TLE1: variants seen among roughly 807,000 people sequenced by gnomAD.
The protein encoded by TLE1 is TLE family member 1, transcriptional corepressor, also known as transducin-like enhancer protein 1.
In TLE1, 21 loss-of-function variants were observed where a neutral mutation model predicts 89.8. The observed-to-expected ratio is 0.23, with a 90% confidence interval of 0.17 to 0.34. The LOEUF is 0.34. Among genes scored for constraint, TLE1 ranks in the 10% least tolerant of loss-of-function variants. TLE1 has a pLI of 1.00. For synonymous variants in TLE1, 447 were observed against 407.6 expected (o/e 1.10, Z -1.16); for missense variants, 795 against 1,031.2 (o/e 0.77, Z 3.14).
chr9:81,599,209 G>A (rs1830599025), intron 14 of TLE1, among the ~76,000 whole-genome samples: 1 of 152,174 alleles, frequency 6.6e-6, no homozygotes, highest in Non-Finnish European at 1.5e-5. Flanking sequence ...GTTTAGAGAT[G>A]AGGGAAGGTG....
chr9:81,624,860 A>G (rs1483410862), intron 8 of TLE1, among the ~76,000 whole-genome samples: 2 of 152,194 alleles, frequency 1.3e-5, no homozygotes, highest in Non-Finnish European at 2.9e-5. Context: ...CCCACGGAGG[A>G]CATTACAAAC....
intron 16 of TLE1, 80 bp from the exon 17 acceptor site, chr9:81,587,908 G>GTC: frequency 1.7e-6 from 1 of 601,576 alleles, no homozygotes; most frequent in Non-Finnish European, 2.4e-6. Flanking sequence ...GTTTTGGACC[G>GTC]TGTGTGTGTG....
At chr9:81,637,912 G>A (rs1827611715) in intron 6 of TLE1, among the ~76,000 whole-genome samples, 1 of 152,148 alleles carries the variant, frequency 6.6e-6, no homozygotes, top group Non-Finnish European at 1.5e-5. Context: ...TCAAAGCCAA[G>A]AGGCTTGCTA....
chr9:81,668,984 C>T (rs1831860567), intron 4 of TLE1, among the ~76,000 whole-genome samples: 1 of 152,090 alleles, frequency 6.6e-6, no homozygotes, highest in Non-Finnish European at 1.5e-5. Context: ...ATGTGGGTTC[C>T]AGGACATGTC....
intron 8 of TLE1, among the ~76,000 whole-genome samples, chr9:81,622,624 C>A (rs555093217): frequency 1.3e-5 from 2 of 152,350 alleles, no homozygotes; most frequent in Admixed American, 6.5e-5. Context: ...ACTGTAATTT[C>A]CGCTTGAGCG....
intron 4 of TLE1, among the ~76,000 whole-genome samples, chr9:81,678,927 G>A (rs771685950): frequency 1.5e-4 from 23 of 152,080 alleles, no homozygotes; most frequent in Non-Finnish European, 2.8e-4. Context: ...GATCACCTGA[G>A]GCTAGGAGTT....
chr9:81,652,891 G>A (rs986575073), intron 5 of TLE1, among the ~76,000 whole-genome samples: 9 of 151,990 alleles, frequency 5.9e-5, no homozygotes, highest in African/African-American at 1.2e-4. Context: ...AGTCATTTTC[G>A]GAAACTCCTG....
intron 16 of TLE1, 33 bp from the exon 17 acceptor site, chr9:81,587,861 C>T (rs1828748767): frequency 6.6e-7 from 1 of 1,506,158 alleles, no homozygotes; most frequent in South Asian, 1.1e-5. Flanking sequence ...ATAATGATTT[C>T]CTGCCAGAGC....
chr9:81,663,376 C>G (rs1411272157), intron 4 of TLE1, among the ~76,000 whole-genome samples: 2 of 152,042 alleles, frequency 1.3e-5, no homozygotes, highest in Non-Finnish European at 2.9e-5. Context: ...CTGTCTAGTT[C>G]TTTCTCCAGA....
At chr9:81,675,876 TTTTCAGCAGAGACGGGG>T (rs1183190913) in intron 4 of TLE1, among the ~76,000 whole-genome samples, 1 of 151,910 alleles carries the variant, frequency 6.6e-6, no homozygotes, top group African/African-American at 2.4e-5. Flanking sequence ...AATTTTCGTA[TTTTCAGCAGAGACGGGG>T]TTTCACCATG....
chr9:81,615,886 G>T (rs1012896727), intron 11 of TLE1, 96 bp downstream of exon 11: 4 of 1,475,290 alleles, frequency 2.7e-6, no homozygotes, highest in Non-Finnish European at 2.8e-6. Context: ...CAACCCTCAA[G>T]CAGCAAAACC....
chr9:81,634,181 G>A lies in TLE1; in HGVS notation c.493C>T (p.Leu165Phe), dbSNP rs201385680. The change falls in exon 7 of 20, where the codon CTT (leucine) becomes TTT (phenylalanine). Residue 165 changes from leucine (L) to phenylalanine (F), a missense_variant. Physicochemically the swap from Leu to Phe is conservative, Grantham distance 22. This residue lies in a region of TLE1 where 468 missense variants were observed against 509.1 expected (regional missense o/e 0.92). Transcript: ENST00000376499. ...IPPLGGSAGL[L>F]ALSSALSGQS... Reference sequence around the variant, plus strand: ...CCACTCAGAGCACTAGACAGCGCAAGAAGGCCGGCACTGCCCCCGAGGGGC... The same window carrying A: ...CCACTCAGAGCACTAGACAGCGCAAAAAGGCCGGCACTGCCCCCGAGGGGC... 1.0e-5 allele frequency: 16 copies of A among 1,596,154 alleles called. No homozygotes were observed. Among genetic ancestry groups the A allele is most frequent in the Non-Finnish European group, 1.2e-5 (14 of 1,169,774 alleles).
chr9:81,625,525 G>A (rs1329350368), intron 8 of TLE1, among the ~76,000 whole-genome samples: 1 of 152,086 alleles, frequency 6.6e-6, no homozygotes, highest in African/African-American at 2.4e-5. Flanking sequence ...TGAATTTCCT[G>A]GATGCGAGAG....
intron 14 of TLE1, among the ~76,000 whole-genome samples, chr9:81,599,026 A>G (rs1357099578): frequency 6.6e-6 from 1 of 152,216 alleles, no homozygotes; most frequent in African/African-American, 2.4e-5. Context: ...AACTAACTTG[A>G]GCCTCATTTC....
intron 4 of TLE1, among the ~76,000 whole-genome samples, chr9:81,670,544 T>C (rs1832082268): frequency 6.6e-6 from 1 of 151,896 alleles, no homozygotes; most frequent in Non-Finnish European, 1.5e-5. Context: ...CAGACTGGTC[T>C]CGAACTCCTG....
At chr9:81,686,785 T>G (rs889390157) in intron 2 of TLE1, among the ~76,000 whole-genome samples, 1 of 152,162 alleles carries the variant, frequency 6.6e-6, no homozygotes, top group Non-Finnish European at 1.5e-5. Context: ...TCTCTCATCC[T>G]ACCCAAACCA....
chr9:81,644,608 G>A (rs1391286828), intron 6 of TLE1, among the ~76,000 whole-genome samples: 3 of 152,162 alleles, frequency 2.0e-5, no homozygotes, highest in Admixed American at 2.0e-4. Flanking sequence ...TTTCTTTACA[G>A]GGTGACAAAA....
Position 81,634,162 on chromosome 9 carries a change from A to C in TLE1, c.512T>G (p.Leu171Arg), listed in dbSNP as rs1827067951. Residue 171 changes from leucine (L) to arginine (R), a missense_variant, in exon 7 of 20, where the codon CTG becomes CGG. Coordinates refer to ENST00000376499, the MANE Select transcript of TLE1 (RefSeq NM_005077.5). ...SAGLLALSSA[L>R]SGQSHLAIKD... ...TATTGCCAAGTGAGACTGCCCACTC[A>C]GAGCACTAGACAGCGCAAGAAGGCC... 6.2e-7 allele frequency: 1 copy of C among 1,602,252 alleles called. No homozygotes were observed. Among genetic ancestry groups the C allele is most frequent in the Non-Finnish European group, 8.5e-7 (1 of 1,173,326 alleles).
At chr9:81,682,185 C>G (rs1833719462) in intron 4 of TLE1, among the ~76,000 whole-genome samples, 1 of 150,798 alleles carries the variant, frequency 6.6e-6, no homozygotes, top group African/African-American at 2.4e-5. Context: ...ACCCAGGAGG[C>G]AAAGGCTGCA....
Sources: gnomAD v4.1 joint callset for allele counts (sites outside exome capture counted in the v4.1 genomes callset) on GRCh38, gnomAD v4.1.1 for gene constraint, gnomAD v4.1.1 regional missense constraint, MANE v1.5 for transcripts, NCBI Gene and HGNC (gene_info 2026-07-23, HGNC 2026-07-21) for gene names.